Variants in CTNNA3 observed in about 807,000 individuals in gnomAD.
The protein encoded by CTNNA3 is catenin alpha 3.
A neutral mutation model predicts 95.7 loss-of-function variants in CTNNA3; 76 were observed. The ratio of observed to expected loss-of-function variants is 0.79; its 90% CI spans 0.66 to 0.96. CTNNA3 has a LOEUF of 0.96. Among genes scored for constraint, CTNNA3 ranks in the 40% least tolerant of loss-of-function variants. CTNNA3 has a pLI of 0.00. For missense variants in CTNNA3, 1,191 were observed against 1,089.8 expected (o/e 1.09, Z -1.31); for synonymous variants, 431 against 374.4 (o/e 1.15, Z -1.74).
chr10:67,596,933 C>G (rs2133359438), intron 3 of CTNNA3, among the ~76,000 whole-genome samples: 1 of 152,306 alleles, frequency 6.6e-6, no homozygotes, highest in East Asian at 1.9e-4. Flanking sequence ...TTTACATAAT[C>G]CCATATTTCT....
intron 2 of CTNNA3, among the ~76,000 whole-genome samples, chr10:67,637,359 C>T (rs1050262116): frequency 6.6e-6 from 1 of 152,136 alleles, no homozygotes; most frequent in Non-Finnish European, 1.5e-5. Context: ...AAATATCAGA[C>T]TATGTGAAAA....
At chr10:67,113,857 G>C (rs1206899916) in intron 7 of CTNNA3, among the ~76,000 whole-genome samples, 1 of 152,098 alleles carries the variant, frequency 6.6e-6, no homozygotes, top group Non-Finnish European at 1.5e-5. Flanking sequence ...CTTACATTTA[G>C]AAAATACTTA....
intron 5 of CTNNA3, among the ~76,000 whole-genome samples, chr10:67,305,948 G>C (rs1840537381): frequency 6.6e-6 from 1 of 152,152 alleles, no homozygotes; most frequent in South Asian, 2.1e-4. Flanking sequence ...ATTGGTCTAT[G>C]GTATAGGTTG....
chr10:65,930,410 A>T (rs1211098713), intron 17 of CTNNA3, among the ~76,000 whole-genome samples: 2 of 152,086 alleles, frequency 1.3e-5, no homozygotes, highest in Admixed American at 1.3e-4. Flanking sequence ...AAACTAACAC[A>T]AATAAATGAT....
At chr10:67,547,872 A>G (rs931199754) in intron 3 of CTNNA3, among the ~76,000 whole-genome samples, 1 of 152,256 alleles carries the variant, frequency 6.6e-6, no homozygotes, top group Non-Finnish European at 1.5e-5. Flanking sequence ...CATTGCTGAC[A>G]AATTAAAGAA....
intron 3 of CTNNA3, among the ~76,000 whole-genome samples, chr10:67,581,373 G>A (rs558134173): frequency 1.0e-3 from 159 of 152,240 alleles, no homozygotes; most frequent in African/African-American, 3.8e-3. Flanking sequence ...ATTGATTTGT[G>A]TATGTTGAAC....
At chr10:66,099,611 A>G (rs1311324314) in intron 14 of CTNNA3, among the ~76,000 whole-genome samples, 1 of 152,126 alleles carries the variant, frequency 6.6e-6, no homozygotes, top group East Asian at 1.9e-4. Flanking sequence ...TTAACTTATG[A>G]GAGTAGAATC....
intron 6 of CTNNA3, among the ~76,000 whole-genome samples, chr10:67,205,371 C>T (rs1863848296): frequency 6.6e-6 from 1 of 152,122 alleles, no homozygotes; most frequent in African/African-American, 2.4e-5. Flanking sequence ...GGTTTTCTGG[C>T]AGATAAGGGG....
At chr10:66,728,859 A>G (rs1564643739) in intron 9 of CTNNA3, among the ~76,000 whole-genome samples, 1 of 152,192 alleles carries the variant, frequency 6.6e-6, no homozygotes, top group Non-Finnish European at 1.5e-5. Flanking sequence ...AAATGCTAAG[A>G]TTACAGGCAT....
chr10:66,026,072 T>C (rs989131201), intron 15 of CTNNA3, among the ~76,000 whole-genome samples: 3 of 152,140 alleles, frequency 2.0e-5, no homozygotes, highest in African/African-American at 7.2e-5. Context: ...TCATTAAAGA[T>C]CCTAAAGAAC....
At chr10:67,741,011 G>C (rs1159940838) in intron 1 of CTNNA3, among the ~76,000 whole-genome samples, 1 of 151,188 alleles carries the variant, frequency 6.6e-6, no homozygotes, top group Non-Finnish European at 1.5e-5. Context: ...CCTTTGTAGG[G>C]ACATGGATGA....
chr10:67,555,743 T>C (rs1841217184), intron 3 of CTNNA3, among the ~76,000 whole-genome samples: 1 of 152,184 alleles, frequency 6.6e-6, no homozygotes, highest in South Asian at 2.1e-4. Flanking sequence ...GAATACCCTT[T>C]ATTTCTTTCT....
At position 67,521,664 on chromosome 10, in the gene CTNNA3, G is replaced by A. The variant is rs532420059; in HGVS notation, c.579+178C>T. Among the ~76,000 whole-genome samples the A allele has an allele frequency of 2.0e-5, 3 of 152,260 alleles. No individual in the cohort carries two copies. The South Asian group carries it at 6.2e-4, about 32-fold the overall frequency. ...CCTAAAGTACACATCTAAAAGCAAG[G>A]ACCACATTGAACACTGTGGGAAGCC... On this transcript the variant is annotated intron_variant, in intron 5 of 17. Transcript: ENST00000433211.
chr10:66,270,226 G>A (rs879685368), intron 13 of CTNNA3, among the ~76,000 whole-genome samples: 1 of 114,332 alleles, frequency 8.7e-6, no homozygotes, highest in Non-Finnish European at 2.0e-5. Flanking sequence ...ACATTTTTTG[G>A]GGGGGGGGGC....
chr10:66,503,874 T>C (rs947845278), intron 11 of CTNNA3, among the ~76,000 whole-genome samples: 1 of 152,156 alleles, frequency 6.6e-6, no homozygotes, highest in Non-Finnish European at 1.5e-5. Flanking sequence ...GTAAGAACGA[T>C]AGGCAGTTTG....
chr10:66,214,346 C>T (rs1203347331), intron 13 of CTNNA3, among the ~76,000 whole-genome samples: 2 of 152,116 alleles, frequency 1.3e-5, no homozygotes, highest in African/African-American at 4.8e-5. Context: ...AATGGAGAAA[C>T]AGCATATATT....
intron 7 of CTNNA3, among the ~76,000 whole-genome samples, chr10:66,856,597 C>T (rs1156651390): frequency 6.6e-6 from 1 of 151,972 alleles, no homozygotes; most frequent in African/African-American, 2.4e-5. Context: ...AAATAATAGC[C>T]ATTCTGACTG....
chr10:67,762,335 T>C (rs1328566224), intron 1 of CTNNA3, among the ~76,000 whole-genome samples: 1 of 151,796 alleles, frequency 6.6e-6, no homozygotes, highest in African/African-American at 2.4e-5. Context: ...ACACAATAAC[T>C]TTATAATCGA....
At chr10:66,303,697 C>T (rs1338069602) in intron 12 of CTNNA3, among the ~76,000 whole-genome samples, 1 of 152,084 alleles carries the variant, frequency 6.6e-6, no homozygotes, top group Non-Finnish European at 1.5e-5. Context: ...TGTAGTGGCG[C>T]GATCTCAGCT....
Sources: allele counts gnomAD v4.1 joint callset (sites outside exome capture counted in the v4.1 genomes callset), GRCh38; gene constraint gnomAD v4.1.1; transcripts MANE v1.5; gene names NCBI Gene and HGNC (gene_info 2026-07-23, HGNC 2026-07-21).